PPP6R2: variants seen among roughly 807,000 people sequenced by gnomAD.
PPP6R2 encodes the protein protein phosphatase 6 regulatory subunit 2.
PPP6R2 carries 62 observed loss-of-function variants against 100.2 expected under a neutral mutation model. The observed-to-expected ratio is 0.62, with a 90% CI of 0.50 to 0.76. The LOEUF is 0.76. PPP6R2 is among the 30% of genes least tolerant of loss of function. PPP6R2 has a pLI of 0.00. For missense variants in PPP6R2, 1,142 were observed against 1,276.3 expected (o/e 0.89, Z 1.60); for synonymous variants, 525 against 514.7 (o/e 1.02, Z -0.27).
At position 50,376,899 on chromosome 22, in the gene PPP6R2, C is replaced by T. The variant is rs976847295; in HGVS notation, c.-17+4749C>T. 1.4e-4 allele frequency among the ~76,000 whole-genome samples: 22 copies of T among 152,048 alleles called. No homozygotes were observed. The South Asian group carries it at 3.1e-3, about 22-fold the overall frequency. On this transcript the variant is annotated intron_variant, in intron 2 of 23. Coordinates refer to ENST00000612753, the MANE Select transcript of PPP6R2 (RefSeq NM_001242898.2). ...AAAATTAGCCGGGCGCGGTGGCAGG[C>T]GCCTGTAGTCCCAGCTACTCGGGAG...
chr22:50,396,562 T>C (rs2056933691), intron 3 of PPP6R2, among the ~76,000 whole-genome samples: 1 of 151,988 alleles, frequency 6.6e-6, no homozygotes, highest in South Asian at 2.1e-4. Flanking sequence ...TGAAACACGT[T>C]TCAGTATCCA....
intron 4 of PPP6R2, among the ~76,000 whole-genome samples, chr22:50,410,855 C>T (rs1266204488): frequency 6.6e-6 from 1 of 152,096 alleles, no homozygotes; most frequent in East Asian, 1.9e-4. Context: ...TGCAGGGGCA[C>T]AATCTCGGCT....
intron 16 of PPP6R2, 28 bp from the exon 17 acceptor site, chr22:50,437,815 G>A (rs1454715242): frequency 5.8e-6 from 9 of 1,551,338 alleles, no homozygotes; most frequent in South Asian, 3.6e-5. Flanking sequence ...CTGGAGGAAC[G>A]CTGAAGCCAT....
At chr22:50,357,164 G>A (rs2046780352) in intron 1 of PPP6R2, among the ~76,000 whole-genome samples, 1 of 152,066 alleles carries the variant, frequency 6.6e-6, no homozygotes, top group Non-Finnish European at 1.5e-5. Context: ...GGCCATTCGT[G>A]TATTTTTTTG....
intron 1 of PPP6R2, among the ~76,000 whole-genome samples, chr22:50,352,233 G>T (rs1216792438): frequency 6.6e-6 from 1 of 152,052 alleles, no homozygotes; most frequent in Non-Finnish European, 1.5e-5. Context: ...GAGCCATCGC[G>T]CCCGGCCGGC....
At position 50,394,049 on chromosome 22, in the gene PPP6R2, C is replaced by G. The variant is rs1318830025; in HGVS notation, c.141C>G (p.Phe47Leu). Residue 47 changes from phenylalanine to leucine, a missense_variant, in exon 3 of 24, where the codon TTC becomes TTG. Phe to Leu is a conservative substitution (Grantham distance 22). Around this residue, in one of 2 missense-constraint regions of PPP6R2, gnomAD observed 592 missense variants for 758.9 expected, o/e 0.78. Coordinates refer to ENST00000612753, the MANE Select transcript of PPP6R2 (RefSeq NM_001242898.2). ...CKAQNQKLLD[F>L]LCRQQCMEEL... ...CTCAGAACCAGAAGCTGCTGGACTTCCTGTGCAGGCAGCAGTGCATGGAGG... is the reference window on the plus strand; with the variant it reads ...CTCAGAACCAGAAGCTGCTGGACTTGCTGTGCAGGCAGCAGTGCATGGAGG... 1 of 1,614,192 alleles carries G rather than the reference C, an allele frequency of 6.2e-7. No homozygotes were observed. Among genetic ancestry groups the G allele is most frequent in the Admixed American group, 1.7e-5 (1 of 60,018 alleles).
chr22:50,416,755 G>T (rs927323565), intron 6 of PPP6R2, among the ~76,000 whole-genome samples: 1 of 151,922 alleles, frequency 6.6e-6, no homozygotes. Context: ...TTGAGGTCAG[G>T]AGTTTTGAGA....
the PPP6R2 span, among the ~76,000 whole-genome samples, chr22:50,338,105 TATGTG>T: frequency 2.4e-5 from 3 of 123,866 alleles, no homozygotes; most frequent in Admixed American, 8.2e-5. Context: ...TGGTGTGTGG[TATGTG>T]GTGTGTGTGC....
chr22:50,339,617 TATGTA>T, upstream of PPP6R2, among the ~76,000 whole-genome samples: 1 of 127,176 alleles, frequency 7.9e-6, no homozygotes, highest in Non-Finnish European at 1.6e-5. Flanking sequence ...GTGTGTGTGG[TATGTA>T]GTGTGTGTTA....
upstream of PPP6R2, among the ~76,000 whole-genome samples, chr22:50,338,909 T>G (rs1202146780): frequency 5.3e-5 from 5 of 94,768 alleles, no homozygotes; most frequent in African/African-American, 9.9e-5. Flanking sequence ...GTGGTGTGTG[T>G]GGTAGTGTGT....
At chr22:50,393,484 A>G in intron 2 of PPP6R2, 2 of 985,196 alleles carry the variant, frequency 2.0e-6, no homozygotes, top group Non-Finnish European at 2.4e-6. Flanking sequence ...TAACAGAACT[A>G]CAGAGCAAGC....
intron 1 of PPP6R2, among the ~76,000 whole-genome samples, chr22:50,358,012 C>T (rs535513830): frequency 2.0e-5 from 3 of 151,934 alleles, no homozygotes; most frequent in East Asian, 3.9e-4. Flanking sequence ...AGTGCAGTGG[C>T]GTGATCGTGG....
chr22:50,399,324 A>G (rs1377318420), intron 3 of PPP6R2, among the ~76,000 whole-genome samples: 1 of 152,242 alleles, frequency 6.6e-6, no homozygotes, highest in Non-Finnish European at 1.5e-5. Context: ...CTCTGTTGCA[A>G]CGGCTCAACT....
chr22:50,357,795 T>C (rs1569278876), intron 1 of PPP6R2, among the ~76,000 whole-genome samples: 1 of 151,974 alleles, frequency 6.6e-6, no homozygotes, highest in Admixed American at 6.6e-5. Context: ...AGCTAATTTT[T>C]TTGTATTTTT....
At chr22:50,368,402 A>C (rs1471017576) in intron 1 of PPP6R2, among the ~76,000 whole-genome samples, 1 of 152,178 alleles carries the variant, frequency 6.6e-6, no homozygotes, top group Non-Finnish European at 1.5e-5. Context: ...GGCGTGACAG[A>C]AGGCTCACAC....
intron 2 of PPP6R2, among the ~76,000 whole-genome samples, chr22:50,379,283 TCCAGAAGCTTGAGA>T (rs2052362448): frequency 6.6e-6 from 1 of 151,918 alleles, no homozygotes; most frequent in Non-Finnish European, 1.5e-5. Context: ...ATTGCTTGAG[TCCAGAAGCTTGAGA>T]CCAGCCTGGG....
intron 2 of PPP6R2, among the ~76,000 whole-genome samples, chr22:50,390,192 A>G (rs1366854983): frequency 6.7e-6 from 1 of 149,136 alleles, no homozygotes; most frequent in East Asian, 2.1e-4. Context: ...GGGTTTCACC[A>G]TGTTGGTCAG....
the PPP6R2 span, among the ~76,000 whole-genome samples, chr22:50,332,014 C>T: frequency 1.1e-4 from 16 of 152,254 alleles, no homozygotes; most frequent in East Asian, 1.9e-3. Context: ...ATCTTCCTAC[C>T]TCAGCCTCCC....
Position 50,444,333 on chromosome 22 carries a change from TTTAA to T in PPP6R2, c.*89_*92del. The T allele has an allele frequency of 6.5e-5, 90 of 1,383,536 alleles. No homozygotes were observed. The highest frequency in any genetic ancestry group is 2.4e-4 in the Middle Eastern group (1 of 4,252). The allele number at this position is 1,383,536 out of a possible 1,614,324, so 85.7% of individuals were successfully genotyped here. ...ACCTGGTGATGCAATCTTTTTTTTT[TTTAA>T]TTTAATTTAATTTTAAAATAAATGC... On this transcript the variant is annotated 3_prime_UTR_variant, in exon 24 of 24. Transcript: ENST00000612753.
Sources: allele counts gnomAD v4.1 joint callset (sites outside exome capture counted in the v4.1 genomes callset), GRCh38; gene constraint gnomAD v4.1.1; regional missense constraint gnomAD v4.1.1; transcripts MANE v1.5; gene names NCBI Gene and HGNC (gene_info 2026-07-23, HGNC 2026-07-21).